The following ASAH1 variants were observed in gnomAD, a reference collection of about 807,000 sequenced individuals.
The protein encoded by ASAH1 is acid ceramidase.
A neutral mutation model predicts 59.5 loss-of-function variants in ASAH1; 70 were observed. The ratio of observed to expected loss-of-function variants is 1.18; its 90% CI spans 0.97 to 1.43. The LOEUF (loss-of-function observed/expected upper bound fraction) is 1.43. ASAH1 is among the 40% of genes most tolerant of loss of function. The pLI is 0.00. For missense variants in ASAH1, 660 were observed against 482.5 expected (o/e 1.37, Z -3.45); for synonymous variants, 213 against 166.5 (o/e 1.28, Z -2.15).
At chr8:18,071,254 A>ATAC in intron 3 of ASAH1, 46 bp downstream of exon 3, 1 of 902,190 alleles carries the variant, frequency 1.1e-6, no homozygotes, top group Non-Finnish European at 1.4e-6. Flanking sequence ...GAAATAAAAT[A>ATAC]AAAAATAAAA....
chr8:18,063,530 T>G (rs547715625), intron 6 of ASAH1: 2 of 285,580 alleles, frequency 7.0e-6, no homozygotes, highest in South Asian at 4.0e-5. Context: ...TGTTGGCCAG[T>G]CTGGTGTCAA....
At chr8:18,070,661 G>A (rs1800133411) in intron 3 of ASAH1, among the ~76,000 whole-genome samples, 1 of 152,116 alleles carries the variant, frequency 6.6e-6, no homozygotes, top group South Asian at 2.1e-4. Context: ...TTTACATGAA[G>A]GGAGATGACA....
At chr8:18,070,804 G>A (rs1317061514) in intron 3 of ASAH1, among the ~76,000 whole-genome samples, 1 of 152,036 alleles carries the variant, frequency 6.6e-6, no homozygotes, top group East Asian at 1.9e-4. Flanking sequence ...CTATTCTGTG[G>A]GTAATTTCAT....
chr8:18,059,157 A>G, intron 12 of ASAH1, 184 bp downstream of exon 12: 1 of 908,024 alleles, frequency 1.1e-6, no homozygotes, highest in Non-Finnish European at 1.7e-6. Context: ...CCAGAAAAGG[A>G]AAGTACAGCA....
chr8:18,083,422 G>GAAA (rs1800744811), intron 1 of ASAH1: 1 of 156,446 alleles, frequency 6.4e-6, no homozygotes, highest in Non-Finnish European at 1.4e-5. Flanking sequence ...TTGCTCGTGG[G>GAAA]AAAGAGCCAC....
At chr8:18,064,435 C>T (rs1455973567) in intron 6 of ASAH1, 22 bp downstream of exon 6, 2 of 1,139,396 alleles carry the variant, frequency 1.8e-6, no homozygotes, top group Non-Finnish European at 2.7e-6. Context: ...ATGCTGCCCA[C>T]CCTCCCTCAG....
At chr8:18,067,062 A>T in intron 5 of ASAH1, 158 bp downstream of exon 5, 2 of 223,182 alleles carry the variant, frequency 9.0e-6, no homozygotes, top group Non-Finnish European at 2.0e-5. Context: ...GCATGCATGC[A>T]TTTCTGAAGC....
chr8:18,064,758 G>A (rs1280502458), intron 5 of ASAH1: 4 of 503,760 alleles, frequency 7.9e-6, no homozygotes, highest in African/African-American at 7.7e-5. Context: ...CTGAACATCT[G>A]GGCAGGTTGC....
intron 5 of ASAH1, 110 bp downstream of exon 5, chr8:18,067,110 C>CTGTATATCTAAGACATACAGCACCTGTGG: frequency 4.1e-6 from 2 of 491,790 alleles, no homozygotes; most frequent in Non-Finnish European, 5.6e-6. Flanking sequence ...TGCACCTGTG[C>CTGTATATCTAAGACATACAGCACCTGTGG]TGTATATCTA....
Position 18,057,387 on chromosome 8 carries a change from C to T in ASAH1, c.*147G>A, listed in dbSNP as rs1262053930. On this transcript the variant is annotated 3_prime_UTR_variant, in exon 14 of 14. Coordinates refer to ENST00000637790, the MANE Select transcript of ASAH1 (RefSeq NM_177924.5). Reference sequence around the variant, plus strand: ...GAAAAAAAAAAGATCTGTCATTTGTCAACAGATGGACGAAGACAAGCTATT... The same window carrying T: ...GAAAAAAAAAAGATCTGTCATTTGTTAACAGATGGACGAAGACAAGCTATT... 3.7e-6 allele frequency: 2 copies of T among 542,760 alleles called. No homozygotes were observed. The highest frequency in any genetic ancestry group is 6.9e-6 in the Non-Finnish European group (2 of 289,404). The allele number at this position is 542,760 out of a possible 1,614,324, so 33.6% of individuals were successfully genotyped here.
At position 18,058,936 on chromosome 8, in the gene ASAH1, A is replaced by G. The variant is rs564936875; in HGVS notation, c.1042-45T>C. The G allele has an allele frequency of 2.0e-6, 3 of 1,535,906 alleles. No homozygotes were observed. In the African/African-American group the frequency reaches 4.1e-5, roughly 21 times the overall value. Reference sequence around the variant, plus strand: ...TTTTGTTCAGTAAGTTAAATACAGAAGCCAACAGCCTTATCTACACACATG... The same window carrying G: ...TTTTGTTCAGTAAGTTAAATACAGAGGCCAACAGCCTTATCTACACACATG... On this transcript the variant is annotated intron_variant, in intron 12 of 13. Transcript: ENST00000637790.
Position 18,062,329 on chromosome 8 carries a change from T to A in ASAH1, c.598A>T (p.Lys200Ter). ...DFQRNNKTVFKASSFAGYVGM... is the reference protein window; with the variant it reads ...DFQRNNKTVF ...ACATAGCCAGCAAAGCTTGAAGCCT[T>A]GAAGACAGTTTTGTTGTTTCTTTGG... Residue 200 changes from lysine (K) to a stop codon, truncating the protein, a stop_gained, in exon 8 of 14, where the codon AAG becomes TAG. Coordinates refer to ENST00000637790, the MANE Select transcript of ASAH1 (RefSeq NM_177924.5). LOFTEE classifies it high-confidence loss of function. 6.2e-7 allele frequency: 1 copy of A among 1,614,252 alleles called. No homozygotes were observed. The highest frequency in any genetic ancestry group is 8.5e-7 in the Non-Finnish European group (1 of 1,180,040).
At chr8:18,069,952 T>A in intron 3 of ASAH1, 74 bp from the exon 4 acceptor site, 1 of 1,057,642 alleles carries the variant, frequency 9.5e-7, no homozygotes, top group Non-Finnish European at 1.4e-6. Flanking sequence ...CTTACCCATA[T>A]GTAGCTAAAA....
Position 18,061,423 on chromosome 8 carries a change from T to C in ASAH1, c.739A>G (p.Met247Val). The C allele has an allele frequency of 5.0e-6, 8 of 1,613,268 alleles. No homozygotes were observed. The highest frequency in any genetic ancestry group is 6.8e-6 in the Non-Finnish European group (8 of 1,179,148). ...GTTCTAGTGAGGAACCCTATCCACA[T>C]GACATCTTTCTTTCCCAGAATCCAT... The part of the protein sequence containing the change: ...LEWILGKKDV[M>V]WIGFLTRTVL... The change falls in exon 10 of 14, where the codon ATG (methionine) becomes GTG (valine). Residue 247 changes from methionine (M) to valine (V), a missense_variant. By Grantham distance (21) the Met-to-Val change is conservative. Coordinates refer to ENST00000637790, the MANE Select transcript of ASAH1 (RefSeq NM_177924.5).
At chr8:18,067,150 T>TCTAA in intron 5 of ASAH1, 70 bp downstream of exon 5, 1 of 842,476 alleles carries the variant, frequency 1.2e-6, no homozygotes, top group Non-Finnish European at 1.8e-6. Context: ...TGTATGTATA[T>TCTAA]CACACCTCAA....
intron 8 of ASAH1, 178 bp from the exon 9 acceptor site, chr8:18,061,918 G>T: frequency 1.4e-6 from 1 of 694,824 alleles, no homozygotes; most frequent in Non-Finnish European, 2.5e-6. Context: ...ATTCTAGTAT[G>T]TGAGATAAGT....
upstream of ASAH1, chr8:18,084,364 C>A (rs1035360739): frequency 1.4e-6 from 2 of 1,407,266 alleles, no homozygotes; most frequent in Admixed American, 5.9e-5. Flanking sequence ...AATAGTCGGA[C>A]CGAGCCGGAG....
At chr8:18,084,915 G>T, upstream of ASAH1, 1 of 1,461,512 alleles carries the variant, frequency 6.8e-7, no homozygotes, top group Non-Finnish European at 9.3e-7. Context: ...TGGCTTTCGT[G>T]CCATCCGTGG....
intron 8 of ASAH1, 99 bp from the exon 9 acceptor site, chr8:18,061,839 T>G (rs1588977911): frequency 8.9e-7 from 1 of 1,121,470 alleles, no homozygotes; most frequent in Non-Finnish European, 1.3e-6. Context: ...AGGCCTAGCT[T>G]GGGTAATGGG....
Sources: gnomAD v4.1 joint callset for allele counts (sites outside exome capture counted in the v4.1 genomes callset) on GRCh38, gnomAD v4.1.1 for gene constraint, MANE v1.5 for transcripts, NCBI Gene and HGNC (gene_info 2026-07-23, HGNC 2026-07-21) for gene names.